Variants in ADGRV1 observed in about 807,000 individuals in gnomAD.
ADGRV1 encodes the protein G-protein coupled receptor 98.
Under a neutral mutation model 596.2 loss-of-function variants are expected in ADGRV1, and 359 were observed. The observed-to-expected ratio is 0.60, with a 90% CI of 0.55 to 0.66. The LOEUF is 0.66. Among genes scored for constraint, ADGRV1 ranks in the 30% least tolerant of loss-of-function variants. ADGRV1 has a pLI of 0.00. For missense variants in ADGRV1, 7,274 were observed against 7,575.6 expected, an observed-to-expected ratio of 0.96 and a Z score of 1.48; for synonymous variants, 2,681 against 2,679.2, an observed-to-expected ratio of 1.00 and a Z score of -0.02.
intron 83 of ADGRV1, among the ~76,000 whole-genome samples, chr5:90,908,766 A>G (rs1772560003): frequency 6.6e-6 from 1 of 152,368 alleles, no homozygotes; most frequent in Middle Eastern, 3.4e-3. Context: ...GCCTATTAAA[A>G]AACAAAGTGT....
intron 64 of ADGRV1, chr5:90,780,043 G>C (rs978259772): frequency 6.6e-6 from 1 of 152,160 alleles, no homozygotes; most frequent in Non-Finnish European, 1.5e-5. Context: ...TGTACTCCTA[G>C]TAAATATAGT....
chr5:91,133,955 A>G (rs1794424327), intron 87 of ADGRV1, among the ~76,000 whole-genome samples: 1 of 152,334 alleles, frequency 6.6e-6, no homozygotes, highest in African/African-American at 2.4e-5. Context: ...AATCCTCAGT[A>G]TGCCACTGAC....
intron 85 of ADGRV1, among the ~76,000 whole-genome samples, chr5:91,014,450 G>A (rs1052978554): frequency 2.0e-5 from 3 of 152,054 alleles, no homozygotes; most frequent in Non-Finnish European, 4.4e-5. Context: ...AATAGAAATA[G>A]TACCAGCTCT....
chr5:90,630,551 G>C (rs1291412558), intron 9 of ADGRV1: 1 of 152,034 alleles, frequency 6.6e-6, no homozygotes, highest in Non-Finnish European at 1.5e-5. Context: ...AATCAATAAA[G>C]GGTACTTATT....
intron 24 of ADGRV1, 47 bp from the exon 25 acceptor site, chr5:90,676,033 A>G: frequency 1.4e-6 from 2 of 1,471,572 alleles, no homozygotes; most frequent in Non-Finnish European, 1.9e-6. Flanking sequence ...TAATCTATTC[A>G]TATACAGAAT....
rs556561642 is a variant in ADGRV1, at chr5:90,864,843, A to G, written c.17856+986A>G. On this transcript the variant is annotated intron_variant, in intron 83 of 89. Coordinates refer to ENST00000405460, the MANE Select transcript of ADGRV1 (RefSeq NM_032119.4). ...ATGGGGAGACACTTCTGCAATGCAG[A>G]CAATACTCTATTGATTGGGTGCTGG... Among the ~76,000 whole-genome samples, 12 of 152,286 alleles carry G rather than the reference A, an allele frequency of 7.9e-5. No homozygotes were observed. The South Asian group carries it at 2.3e-3, about 29-fold the overall frequency.
chr5:90,868,881 A>G (rs1300646255), intron 83 of ADGRV1, among the ~76,000 whole-genome samples: 1 of 152,128 alleles, frequency 6.6e-6, no homozygotes, highest in Admixed American at 6.6e-5. Flanking sequence ...CTGAGTGACC[A>G]TTCAACATTC....
Position 90,699,146 on chromosome 5 carries a change from G to T in ADGRV1, c.8155+2000G>T, listed in dbSNP as rs748718326. ...TCTTTTAACAATTTCACTTTGCTGT[G>T]ATATCCAAAAGCAGTATCTATGGGC... On this transcript the variant is annotated intron_variant, in intron 34 of 89. Coordinates refer to ENST00000405460, the MANE Select transcript of ADGRV1 (RefSeq NM_032119.4). 9.2e-5 allele frequency among the ~76,000 whole-genome samples: 14 copies of T among 152,150 alleles called. 1 individual carries two copies. Among genetic ancestry groups the T allele is most frequent in the Non-Finnish European group, 5.9e-5 (4 of 68,022 alleles).
intron 39 of ADGRV1, among the ~76,000 whole-genome samples, chr5:90,710,268 A>G (rs911736763): frequency 1.3e-5 from 2 of 152,184 alleles, no homozygotes; most frequent in African/African-American, 4.8e-5. Flanking sequence ...CCAAACCAAA[A>G]CACTAATCAG....
rs1163862509 is a variant in ADGRV1, at chr5:90,755,042, G to A, written c.11437G>A (p.Ala3813Thr). The A allele has an allele frequency of 6.2e-7, 1 of 1,613,230 alleles. No homozygotes were observed. Among genetic ancestry groups the A allele is most frequent in the Non-Finnish European group, 8.5e-7 (1 of 1,179,298 alleles). ...AGATAAAGGACTACTTGGGGATATT[G>A]CCATTCACTTGAGAGCTCAACCCAA... ...ARDKGLLGDI[A>T]IHLRAQPNFL... The change falls in exon 55 of 90, where the codon GCC becomes ACC. Residue 3813 changes from alanine to threonine, a missense_variant. By Grantham distance (58) the Ala-to-Thr change is moderately conservative. Coordinates refer to ENST00000405460, the MANE Select transcript of ADGRV1 (RefSeq NM_032119.4).
chr5:91,149,039 T>A (rs1795796974), intron 87 of ADGRV1, among the ~76,000 whole-genome samples: 1 of 152,222 alleles, frequency 6.6e-6, no homozygotes, highest in East Asian at 1.9e-4. Context: ...CCCCATCATA[T>A]CTAGGAAGCA....
intron 84 of ADGRV1, among the ~76,000 whole-genome samples, chr5:90,971,242 A>G (rs891099252): frequency 4.6e-5 from 7 of 152,214 alleles, no homozygotes; most frequent in African/African-American, 1.7e-4. Flanking sequence ...CCTGAAAGTG[A>G]TGGGGAGAAT....
chr5:90,781,471 A>G lies in ADGRV1; in HGVS notation c.13124A>G (p.Asp4375Gly), dbSNP rs766456078. Residue 4375 changes from aspartate (D) to glycine (G), a missense_variant, in exon 65 of 90, where the codon GAT becomes GGT. By Grantham distance (94) the Asp-to-Gly change is moderately conservative. This residue lies in a region of ADGRV1 where 3,643 missense variants were observed against 3,809.2 expected (regional missense o/e 0.96). Transcript: ENST00000405460. ...FTIQENGLQI[D>G]QPPEIGNISI... ...ATTCAAGAAAATGGACTTCAGATAG[A>G]TCAACCTCCTGAAATAGGAAACATC... The G allele has an allele frequency of 6.2e-7, 1 of 1,609,306 alleles. No individual in the cohort carries two copies. Among genetic ancestry groups the G allele is most frequent in the Non-Finnish European group, 8.5e-7 (1 of 1,177,296 alleles).
chr5:90,912,859 A>T (rs999517646), intron 83 of ADGRV1, among the ~76,000 whole-genome samples: 1 of 152,090 alleles, frequency 6.6e-6, no homozygotes, highest in Non-Finnish European at 1.5e-5. Context: ...TTGCTATTGT[A>T]AATAGTCCAG....
chr5:90,755,206 ATG>A, intron 55 of ADGRV1, 21 bp downstream of exon 55: 1 of 1,546,210 alleles, frequency 6.5e-7, no homozygotes, highest in Non-Finnish European at 8.8e-7. Context: ...GCTGCAAAGA[ATG>A]TGATCTAAAA....
At chr5:90,577,313 C>A (rs1757363229) in intron 1 of ADGRV1, among the ~76,000 whole-genome samples, 1 of 152,152 alleles carries the variant, frequency 6.6e-6, no homozygotes, top group Non-Finnish European at 1.5e-5. Flanking sequence ...GGAAGGGATC[C>A]ATTTTTCAGC....
intron 1 of ADGRV1, among the ~76,000 whole-genome samples, chr5:90,589,440 C>T (rs947832345): frequency 6.6e-6 from 1 of 152,114 alleles, no homozygotes; most frequent in African/African-American, 2.4e-5. Flanking sequence ...AAACTGGCTT[C>T]TCTCCTCAAG....
Position 90,823,437 on chromosome 5 carries a change from T to C in ADGRV1, c.16209T>C (p.Asp5403=). 1 of 1,613,786 alleles carries C rather than the reference T, an allele frequency of 6.2e-7. No homozygotes were observed. Among genetic ancestry groups the C allele is most frequent in the Non-Finnish European group, 8.5e-7 (1 of 1,179,818 alleles). The change falls in exon 76 of 90, where the codon GAT becomes GAC. Residue 5403 remains aspartate, a synonymous_variant. Transcript: ENST00000405460. ...TTCTTGCTCACAGGGCCTTTGAAGA[T>C]GTCAAGGTCTTTTGGCGAGTCACAC... is the stretch of plus-strand genomic sequence containing the variant. ...VTRQPNRAFE[D]VKVFWRVTLN...
At position 90,705,589 on chromosome 5, in the gene ADGRV1, A is replaced by T. The variant is rs1232170144; in HGVS notation, c.8566+10A>T. On this transcript the variant is annotated intron_variant, in intron 37 of 89. Transcript: ENST00000405460. ...GAATTTGGATCTCTAGGTTTGTGTT[A>T]CTCTAGAATGAATGGGGTTTCCAGG... is the stretch of plus-strand genomic sequence containing the variant. 1 of 1,607,830 alleles carries T rather than the reference A, an allele frequency of 6.2e-7. No individual in the cohort carries two copies. Among genetic ancestry groups the T allele is most frequent in the African/African-American group, 1.3e-5 (1 of 74,708 alleles).
Sources: allele counts gnomAD v4.1 joint callset (sites outside exome capture counted in the v4.1 genomes callset), GRCh38; gene constraint gnomAD v4.1.1; regional missense constraint gnomAD v4.1.1; transcripts MANE v1.5; gene names NCBI Gene and HGNC (gene_info 2026-07-23, HGNC 2026-07-21).